The following XPA variants were observed in gnomAD, a reference collection of about 807,000 sequenced individuals.
XPA encodes XPA, DNA damage recognition and repair factor, also known as DNA repair protein complementing XP-A cells.
In XPA, 27 loss-of-function variants were observed where a neutral mutation model predicts 35.7. That is an observed-to-expected ratio of 0.76 (90% CI 0.56 to 1.04). The LOEUF is 1.04. Ranked by LOEUF, XPA falls within the 50% of genes least tolerant of loss-of-function variation. The pLI is 0.00. For missense variants in XPA, 354 were observed against 342.7 expected (o/e 1.03, Z -0.26); for synonymous variants, 133 against 118.4 (o/e 1.12, Z -0.80).
At chr9:97,683,138 TAAGGA>T (rs1828596657) in intron 5 of XPA, among the ~76,000 whole-genome samples, 1 of 152,216 alleles carries the variant, frequency 6.6e-6, no homozygotes. Flanking sequence ...GGAAATGGTT[TAAGGA>T]GGCAGCAAAG....
chr9:97,695,660 G>C (rs1829019940), intron 1 of XPA, among the ~76,000 whole-genome samples: 1 of 152,142 alleles, frequency 6.6e-6, no homozygotes, highest in Non-Finnish European at 1.5e-5. Flanking sequence ...CAGGACCTTA[G>C]CACCACTCTT....
the XPA span, chr9:97,669,807 C>G: frequency 1.3e-6 from 1 of 781,928 alleles, no homozygotes; most frequent in Non-Finnish European, 2.2e-6. Flanking sequence ...TTATATAGTA[C>G]CTGTTAGACC....
Position 97,697,062 on chromosome 9 carries a change from C to T in XPA, c.172+59G>A, listed in dbSNP as rs139134754. The T allele has an allele frequency of 2.3e-4, 349 of 1,485,352 alleles. 1 individual carries two copies. The African/African-American group carries it at 4.4e-3, about 19-fold the overall frequency. The allele number at this position is 1,485,352 out of a possible 1,614,324, so 92.0% of individuals were successfully genotyped here. A position where few individuals can be genotyped will look rare whatever the true frequency, so the allele number is the denominator to read the frequency against. On this transcript the variant is annotated intron_variant, in intron 1 of 5. Coordinates refer to ENST00000375128, the MANE Select transcript of XPA (RefSeq NM_000380.4). ...GCCCCGGGACTCGGCTTGCACGAGC[C>T]AGTCTGGGGACCGGGGAGGCGGGGA...
chr9:97,689,613 TTACA>T lies in XPA; in HGVS notation c.306_309del (p.Tyr102Ter), dbSNP rs773683921. The T allele has an allele frequency of 2.5e-6, 4 of 1,611,886 alleles. No homozygotes were observed. In the South Asian group the frequency reaches 4.4e-5, roughly 18 times the overall value. ...AATTCTTTCCCACATTCTTCGCATA[TTACA>T]TAATCAAATTCCATAACAGGTCCTA... On this transcript the variant is annotated frameshift_variant, in exon 3 of 6. Coordinates refer to ENST00000375128, the MANE Select transcript of XPA (RefSeq NM_000380.4). LOFTEE classifies it high-confidence loss of function.
At chr9:97,692,514 G>A (rs868494302) in intron 2 of XPA, among the ~76,000 whole-genome samples, 21 of 152,182 alleles carry the variant, frequency 1.4e-4, no homozygotes, top group African/African-American at 3.9e-4. Context: ...GCTAGTGATA[G>A]TCAAAGTGGT....
At chr9:97,681,320 GAC>G (rs1828530805) in intron 5 of XPA, among the ~76,000 whole-genome samples, 1 of 152,088 alleles carries the variant, frequency 6.6e-6, no homozygotes, top group Non-Finnish European at 1.5e-5. Flanking sequence ...ACAAGGAAAA[GAC>G]ACAATGACAA....
the XPA span, among the ~76,000 whole-genome samples, chr9:97,659,827 T>C: frequency 6.6e-6 from 1 of 152,234 alleles, no homozygotes; most frequent in Non-Finnish European, 1.5e-5. Context: ...CCGCCTAACA[T>C]TCAAGGCCTT....
Position 97,693,648 on chromosome 9 carries a change from C to G in XPA, c.283+1G>C. The G allele has an allele frequency of 6.2e-7, 1 of 1,613,180 alleles. No homozygotes were observed. The highest frequency in any genetic ancestry group is 8.5e-7 in the Non-Finnish European group (1 of 1,179,704). On this transcript the variant is annotated splice_donor_variant, in intron 2 of 5. Transcript: ENST00000375128. LOFTEE classifies it high-confidence loss of function. ...ACTTATTTTTGAAAAACTCACTTTACCTGGTTGATGAACAACTTTTCCAAT... is the reference window on the plus strand; with the variant it reads ...ACTTATTTTTGAAAAACTCACTTTAGCTGGTTGATGAACAACTTTTCCAAT...
intron 2 of XPA, 63 bp from the exon 3 acceptor site, chr9:97,689,702 A>C: frequency 1.0e-6 from 1 of 965,884 alleles, no homozygotes; most frequent in South Asian, 1.4e-5. Flanking sequence ...ATTTTCCTCT[A>C]TTTTATTAGC....
rs748118285 is a variant in XPA, at chr9:97,687,358, A to G, written c.390-97T>C. ...CTTAGGGGCACACACAGCAAAAAGG[A>G]CATATAAAATACTTTTTCCTGCAAC... On this transcript the variant is annotated intron_variant, in intron 3 of 5. Transcript: ENST00000375128. 1.7e-4 allele frequency: 185 copies of G among 1,082,930 alleles called. 1 individual carries two copies. The Middle Eastern group carries it at 1.9e-3, about 11-fold the overall frequency. 67.1% of individuals were successfully genotyped at this position (1,082,930 alleles called of 1,614,324 possible). A position where few individuals can be genotyped will look rare whatever the true frequency, so the allele number is the denominator to read the frequency against.
intron 5 of XPA, among the ~76,000 whole-genome samples, chr9:97,676,191 A>C (rs1372076125): frequency 6.6e-6 from 1 of 152,222 alleles, no homozygotes. Flanking sequence ...ACAGAATGTT[A>C]AGAGCTGGAA....
rs1360360024 is a variant in XPA at position 97,675,280 on chromosome 9, A to G, written c.*159T>C. 1.1e-6 allele frequency: 1 copy of G among 891,864 alleles called. No individual in the cohort carries two copies. 55.2% of individuals were successfully genotyped at this position (891,864 alleles called of 1,614,324 possible). ...GTGACCTTCACTGAAACTTGCTTTT[A>G]AGCCATAACATACATAATTATTACT... On this transcript the variant is annotated 3_prime_UTR_variant, in exon 6 of 6. Transcript: ENST00000375128.
intron 5 of XPA, among the ~76,000 whole-genome samples, chr9:97,684,028 A>T (rs921640340): frequency 2.6e-5 from 4 of 152,138 alleles, no homozygotes; most frequent in African/African-American, 9.7e-5. Flanking sequence ...TTACTGCATG[A>T]AGAACATGTA....
intron 5 of XPA, among the ~76,000 whole-genome samples, chr9:97,680,547 A>G (rs1015184519): frequency 6.6e-6 from 1 of 152,200 alleles, no homozygotes; most frequent in Non-Finnish European, 1.5e-5. Flanking sequence ...TTCTGAGGAG[A>G]AACATGCTGA....
intron 5 of XPA, among the ~76,000 whole-genome samples, chr9:97,681,408 T>C (rs1426751158): frequency 7.9e-5 from 12 of 152,122 alleles, no homozygotes; most frequent in Non-Finnish European, 1.8e-4. Flanking sequence ...CGAACTCTCT[T>C]GAGAGATGAC....
the XPA span, chr9:97,658,497 C>CA: frequency 4.4e-5 from 29 of 662,000 alleles, no homozygotes; most frequent in South Asian, 4.7e-4. Context: ...GACAAAAACT[C>CA]AAAGGATTTT....
At chr9:97,655,269 G>A in the XPA span, among the ~76,000 whole-genome samples, 1 of 152,130 alleles carries the variant, frequency 6.6e-6, no homozygotes, top group Admixed American at 6.5e-5. Flanking sequence ...GGAGTGCAGT[G>A]GGATGAGCAT....
At chr9:97,663,329 A>G in the XPA span, among the ~76,000 whole-genome samples, 3 of 152,230 alleles carry the variant, frequency 2.0e-5, no homozygotes, top group African/African-American at 7.2e-5. Flanking sequence ...TGCAAGCTCC[A>G]GATTTCTCAA....
the XPA span, chr9:97,663,172 ATC>A: frequency 1.4e-6 from 1 of 708,414 alleles, no homozygotes; most frequent in South Asian, 1.7e-5. Context: ...TGGTTTTTAG[ATC>A]TAATTCTTTC....
Sources: gnomAD v4.1 joint callset for allele counts (sites outside exome capture counted in the v4.1 genomes callset) on GRCh38, gnomAD v4.1.1 for gene constraint, MANE v1.5 for transcripts, NCBI Gene and HGNC (gene_info 2026-07-23, HGNC 2026-07-21) for gene names.